The following ALDH5A1 variants were observed in gnomAD, a reference collection of about 807,000 sequenced individuals.
ALDH5A1 encodes the protein aldehyde dehydrogenase 5 family member A1, also known as succinate-semialdehyde dehydrogenase, mitochondrial.
A neutral mutation model predicts 54.7 loss-of-function variants in ALDH5A1; 33 were observed. That is an observed-to-expected ratio of 0.60 (90% CI 0.46 to 0.81). The LOEUF is 0.81. Ranked by LOEUF, ALDH5A1 falls within the 30% of genes least tolerant of loss-of-function variation. The pLI, the probability that ALDH5A1 is intolerant of heterozygous loss-of-function variation, is 0.00. For synonymous variants in ALDH5A1, 294 were observed against 292.7 expected, an observed-to-expected ratio of 1.00 and a Z score of -0.05; for missense variants, 657 against 711.0, an observed-to-expected ratio of 0.92 and a Z score of 0.86.
At chr6:24,504,217 G>T (rs1449348650) in intron 3 of ALDH5A1, among the ~76,000 whole-genome samples, 1 of 152,132 alleles carries the variant, frequency 6.6e-6, no homozygotes, top group Non-Finnish European at 1.5e-5. Flanking sequence ...AACCTCATTG[G>T]GTTGTGATAA....
At chr6:24,519,128 G>A (rs908495270) in intron 5 of ALDH5A1, among the ~76,000 whole-genome samples, 4 of 151,934 alleles carry the variant, frequency 2.6e-5, no homozygotes, top group African/African-American at 9.7e-5. Context: ...GTCTCGCTCT[G>A]TAGCCCAGGC....
intron 4 of ALDH5A1, among the ~76,000 whole-genome samples, chr6:24,507,367 T>C (rs1250870789): frequency 1.3e-5 from 2 of 152,138 alleles, no homozygotes; most frequent in East Asian, 3.8e-4. Flanking sequence ...TATTTTCTTC[T>C]GATATAAAGC....
intron 4 of ALDH5A1, among the ~76,000 whole-genome samples, chr6:24,505,459 G>A (rs973845179): frequency 4.6e-5 from 7 of 150,726 alleles, no homozygotes; most frequent in Admixed American, 2.7e-4. Context: ...CTCTGACTTC[G>A]TCCATCACAC....
chr6:24,512,456 G>A (rs1412236701), intron 4 of ALDH5A1, among the ~76,000 whole-genome samples: 1 of 152,160 alleles, frequency 6.6e-6, no homozygotes, highest in Non-Finnish European at 1.5e-5. Flanking sequence ...GAGGTTATGT[G>A]TTGTGTTTGT....
In ALDH5A1 at chr6:24,533,769, A is replaced by C; in HGVS notation, c.*57A>C. 8 of 1,463,232 alleles carry C rather than the reference A, an allele frequency of 5.5e-6. No homozygotes were observed. The highest frequency in any genetic ancestry group is 7.6e-6 in the Non-Finnish European group (8 of 1,054,006). The allele number at this position is 1,463,232 out of a possible 1,614,324, so 90.6% of individuals were successfully genotyped here. ...GAGACTTATCTACATATATAGGTAC[A>C]TGCCATCCATTATTTTAAATAAACT... On this transcript the variant is annotated 3_prime_UTR_variant, in exon 10 of 10. Transcript: ENST00000357578.
intron 4 of ALDH5A1, among the ~76,000 whole-genome samples, chr6:24,510,959 T>C (rs1047006349): frequency 6.6e-6 from 1 of 152,352 alleles, no homozygotes; most frequent in African/African-American, 2.4e-5. Flanking sequence ...TTGATGTGTT[T>C]CCAGGATTTG....
intron 8 of ALDH5A1, 131 bp from the exon 9 acceptor site, chr6:24,531,987 CT>C (rs755045614): frequency 3.6e-5 from 29 of 810,536 alleles, no homozygotes; most frequent in Non-Finnish European, 5.5e-5. Flanking sequence ...CTTCTGCAAT[CT>C]GCTCTTGGAT....
chr6:24,508,376 A>AAT lies in ALDH5A1; in HGVS notation c.726+3392_726+3393insTA, dbSNP rs1561871711. Among the ~76,000 whole-genome samples, 105 of 88,014 alleles carry AAT rather than the reference A, an allele frequency of 1.2e-3. 9 individuals are homozygous for AAT. The highest frequency in any genetic ancestry group is 6.7e-3 in the Middle Eastern group (1 of 150). 57.7% of individuals were successfully genotyped at this position (88,014 alleles called of 152,430 possible). A position where few individuals can be genotyped will look rare whatever the true frequency, so the allele number is the denominator to read the frequency against. On this transcript the variant is annotated intron_variant, in intron 4 of 9. Transcript: ENST00000357578. ...ACTCCATCTCCAAAAAAAAAAAAAAAAAAAAAAAAAAAGATTAATAGTCTC... is the reference window on the plus strand; with the variant it reads ...ACTCCATCTCCAAAAAAAAAAAAAAAATAAAAAAAAAAAAGATTAATAGTCTC...
chr6:24,532,703 T>C (rs930753415), intron 9 of ALDH5A1, among the ~76,000 whole-genome samples: 1 of 151,922 alleles, frequency 6.6e-6, no homozygotes, highest in Non-Finnish European at 1.5e-5. Flanking sequence ...TGTAATAGCA[T>C]CCACAGCAAA....
At chr6:24,532,395 C>G (rs1759954573) in intron 9 of ALDH5A1, among the ~76,000 whole-genome samples, 1 of 152,190 alleles carries the variant, frequency 6.6e-6, no homozygotes, top group Non-Finnish European at 1.5e-5. Flanking sequence ...CTAATTACAG[C>G]TGTGGGAAGA....
rs1490160653 is a variant in ALDH5A1 at position 24,518,455 on chromosome 6, A to G, written c.871-1946A>G. On this transcript the variant is annotated intron_variant, in intron 5 of 9. Coordinates refer to ENST00000357578, the MANE Select transcript of ALDH5A1 (RefSeq NM_001080.3). This position sits in a 1 kb window ranked among gnomAD's most constrained non-coding sequence, Gnocchi z 4.2. ...AGGTGGAGGGACAGACACCAGAGACAGGACCTGTGCTCAAGGCCAGGTGGA... is the reference window on the plus strand; with the variant it reads ...AGGTGGAGGGACAGACACCAGAGACGGGACCTGTGCTCAAGGCCAGGTGGA... 6.6e-6 allele frequency among the ~76,000 whole-genome samples: 1 copy of G among 152,228 alleles called. No homozygotes were observed. Among genetic ancestry groups the G allele is most frequent in the African/African-American group, 2.4e-5 (1 of 41,456 alleles).
intron 8 of ALDH5A1, among the ~76,000 whole-genome samples, chr6:24,528,554 G>A (rs1211148662): frequency 6.6e-6 from 1 of 151,848 alleles, no homozygotes; most frequent in Non-Finnish European, 1.5e-5. Flanking sequence ...AGTAGAGATG[G>A]GGTTTCACCA....
At chr6:24,495,479 G>A (rs1183753766) in intron 1 of ALDH5A1, 129 bp downstream of exon 1, 15 of 942,964 alleles carry the variant, frequency 1.6e-5, no homozygotes, top group Non-Finnish European at 2.3e-5. Context: ...GGTATACAAA[G>A]TGGAAAGTCA....
intron 5 of ALDH5A1, 85 bp downstream of exon 5, chr6:24,515,395 C>A: frequency 6.7e-7 from 1 of 1,500,914 alleles, no homozygotes; most frequent in Non-Finnish European, 9.1e-7. Flanking sequence ...TCATCCTGAT[C>A]ACCAATTTTG....
At chr6:24,516,181 A>G (rs1581815783) in intron 5 of ALDH5A1, among the ~76,000 whole-genome samples, 1 of 152,128 alleles carries the variant, frequency 6.6e-6, no homozygotes, top group Non-Finnish European at 1.5e-5. Flanking sequence ...TCACACCTGT[A>G]ATCCCAACAC....
At chr6:24,526,215 T>G (rs1344264554) in intron 7 of ALDH5A1, among the ~76,000 whole-genome samples, 1 of 152,128 alleles carries the variant, frequency 6.6e-6, no homozygotes, top group Non-Finnish European at 1.5e-5. Context: ...ACCAGGTTAG[T>G]TTCGACAACT....
At chr6:24,519,521 C>T (rs531613985) in intron 5 of ALDH5A1, among the ~76,000 whole-genome samples, 28 of 152,042 alleles carry the variant, frequency 1.8e-4, no homozygotes, top group African/African-American at 4.3e-4. Context: ...CTGGAGATTG[C>T]GCCACTGCAC....
chr6:24,505,165 T>G (rs1349689834), intron 4 of ALDH5A1, among the ~76,000 whole-genome samples, 180 bp downstream of exon 4: 1 of 152,310 alleles, frequency 6.6e-6, no homozygotes, highest in African/African-American at 2.4e-5. Flanking sequence ...GGGAAAAAAA[T>G]GGATGAGGGA....
At chr6:24,531,964 A>T in intron 8 of ALDH5A1, 155 bp from the exon 9 acceptor site, 1 of 715,002 alleles carries the variant, frequency 1.4e-6, no homozygotes. Context: ...ATATCGGGGA[A>T]TGGTGCTGCT....
Sources: allele counts gnomAD v4.1 joint callset (sites outside exome capture counted in the v4.1 genomes callset), GRCh38; gene constraint gnomAD v4.1.1; non-coding constraint Gnocchi (gnomAD v3.1); transcripts MANE v1.5; gene names NCBI Gene and HGNC (gene_info 2026-07-23, HGNC 2026-07-21).